The following LRMDA variants were observed in gnomAD, a reference collection of about 807,000 sequenced individuals.
The protein encoded by LRMDA is leucine-rich melanocyte differentiation-associated protein.
A neutral mutation model predicts 29.8 loss-of-function variants in LRMDA; 18 were observed. The observed-to-expected ratio is 0.60, with a 90% confidence interval of 0.42 to 0.90. LRMDA has a LOEUF of 0.90. Among genes scored for constraint, LRMDA ranks in the 40% least tolerant of loss-of-function variants. The pLI is 0.00. For synonymous variants in LRMDA, 125 were observed against 109.4 expected (o/e 1.14, Z -0.89); for missense variants, 273 against 273.9 (o/e 1.00, Z 0.02).
At chr10:75,626,292 G>A (rs3012040) in intron 2 of LRMDA, among the ~76,000 whole-genome samples, 1 of 152,076 alleles carries the variant, frequency 6.6e-6, no homozygotes, top group African/African-American at 2.4e-5. Context: ...ATGACAGCCC[G>A]ACATCATTCC....
intron 2 of LRMDA, among the ~76,000 whole-genome samples, chr10:76,013,571 A>G (rs561896711): frequency 7.2e-4 from 110 of 152,158 alleles, no homozygotes; most frequent in Non-Finnish European, 2.1e-4. Context: ...GTGGTTGGGC[A>G]TACCTGGGGC....
At chr10:76,130,914 C>A (rs141589037) in intron 5 of LRMDA, among the ~76,000 whole-genome samples, 2 of 152,266 alleles carry the variant, frequency 1.3e-5, no homozygotes, top group East Asian at 3.9e-4. Context: ...CCACTCGCCT[C>A]GGCCTCCCAA....
chr10:75,798,958 A>G (rs2132258947), intron 2 of LRMDA, among the ~76,000 whole-genome samples: 1 of 152,312 alleles, frequency 6.6e-6, no homozygotes, highest in South Asian at 2.1e-4. Context: ...ATTATGGCAT[A>G]TGGTCTATGT....
chr10:75,715,495 T>C (rs1229503421), intron 2 of LRMDA, among the ~76,000 whole-genome samples: 1 of 152,164 alleles, frequency 6.6e-6, no homozygotes, highest in East Asian at 1.9e-4. Context: ...AAAACTAGGA[T>C]CATTCTATAA....
chr10:76,328,368 A>T (rs1416381611), intron 6 of LRMDA, among the ~76,000 whole-genome samples: 2 of 152,186 alleles, frequency 1.3e-5, no homozygotes, highest in Non-Finnish European at 2.9e-5. Flanking sequence ...AAACATTTCT[A>T]TTTAGAATGT....
chr10:76,420,064 C>T (rs1842056850), intron 6 of LRMDA, among the ~76,000 whole-genome samples: 1 of 151,956 alleles, frequency 6.6e-6, no homozygotes. Flanking sequence ...TAAAATTTTA[C>T]TACCCTCATA....
In LRMDA at chr10:76,514,988, A is replaced by G. The variant is rs1843045437; in HGVS notation, c.602-42221A>G. Among the ~76,000 whole-genome samples, 4 of 152,254 alleles carry G rather than the reference A, an allele frequency of 2.6e-5. No homozygotes were observed. The South Asian group carries it at 8.3e-4, about 32-fold the overall frequency. On this transcript the variant is annotated intron_variant, in intron 6 of 6. Transcript: ENST00000611255. ...AAATGGATGTGCATAAATTATTGTA[A>G]TATATTCTTCTGGCATGATTATGCA...
chr10:76,462,939 T>C (rs1204941466), intron 6 of LRMDA, among the ~76,000 whole-genome samples: 1 of 152,204 alleles, frequency 6.6e-6, no homozygotes, highest in African/African-American at 2.4e-5. Flanking sequence ...GCCTCATTCC[T>C]TCTACCCAAC....
intron 5 of LRMDA, among the ~76,000 whole-genome samples, chr10:76,234,171 T>G (rs2132275883): frequency 6.6e-6 from 1 of 152,362 alleles, no homozygotes; most frequent in African/African-American, 2.4e-5. Flanking sequence ...TGAGGAGGCA[T>G]TAAAACAGCA....
intron 2 of LRMDA, among the ~76,000 whole-genome samples, chr10:75,878,719 C>G (rs190963022): frequency 1.8e-3 from 277 of 152,168 alleles, no homozygotes; most frequent in African/African-American, 6.4e-3. Flanking sequence ...TCACCAGGGA[C>G]CCCACCCTTC....
chr10:76,130,852 G>A (rs752909445), intron 5 of LRMDA, among the ~76,000 whole-genome samples: 3 of 151,868 alleles, frequency 2.0e-5, no homozygotes, highest in Non-Finnish European at 2.9e-5. Context: ...TAGTAGAGAC[G>A]GGGTTTCACC....
intron 5 of LRMDA, among the ~76,000 whole-genome samples, chr10:76,061,284 T>C (rs985168982): frequency 2.6e-5 from 4 of 152,058 alleles, no homozygotes; most frequent in Admixed American, 6.6e-5. Flanking sequence ...GAAAAACAAA[T>C]ACATATTCTT....
chr10:75,765,167 TC>T (rs1187081678), intron 2 of LRMDA, among the ~76,000 whole-genome samples: 1 of 152,182 alleles, frequency 6.6e-6, no homozygotes, highest in Non-Finnish European at 1.5e-5. Context: ...TTCATTTATT[TC>T]CTGCTTTGGG....
intron 5 of LRMDA, among the ~76,000 whole-genome samples, chr10:76,157,473 G>A (rs1273727106): frequency 6.6e-6 from 1 of 152,028 alleles, no homozygotes; most frequent in Non-Finnish European, 1.5e-5. Flanking sequence ...AATTAGCCAG[G>A]TGTGATAGCA....
chr10:76,066,469 T>C (rs1268573045), intron 5 of LRMDA, among the ~76,000 whole-genome samples: 1 of 152,224 alleles, frequency 6.6e-6, no homozygotes, highest in Non-Finnish European at 1.5e-5. Context: ...AGGTCCTTTT[T>C]TTCCCCCGGG....
chr10:75,705,761 C>T (rs973681532), intron 2 of LRMDA, among the ~76,000 whole-genome samples: 3 of 152,238 alleles, frequency 2.0e-5, no homozygotes, highest in Non-Finnish European at 4.4e-5. Context: ...CACAAAGCGT[C>T]CCTGCAGTGC....
At chr10:76,403,871 TC>T (rs1434250478) in intron 6 of LRMDA, among the ~76,000 whole-genome samples, 4 of 152,100 alleles carry the variant, frequency 2.6e-5, no homozygotes, top group South Asian at 2.1e-4. Context: ...TTTCCTAGTT[TC>T]CCCCCTGGCC....
intron 2 of LRMDA, among the ~76,000 whole-genome samples, chr10:75,775,317 G>T (rs1348836014): frequency 6.6e-6 from 1 of 152,216 alleles, no homozygotes; most frequent in Non-Finnish European, 1.5e-5. Flanking sequence ...ATTCATAGGT[G>T]CAACCACAGC....
chr10:76,428,049 A>G (rs759054534), intron 6 of LRMDA, among the ~76,000 whole-genome samples: 40 of 152,192 alleles, frequency 2.6e-4, no homozygotes, highest in Admixed American at 6.5e-4. Flanking sequence ...CATCAGGGAT[A>G]TTGGTCTAAA....
Sources: gnomAD v4.1 joint callset for allele counts (sites outside exome capture counted in the v4.1 genomes callset) on GRCh38, gnomAD v4.1.1 for gene constraint, MANE v1.5 for transcripts, NCBI Gene and HGNC (gene_info 2026-07-23, HGNC 2026-07-21) for gene names.